The following NTSR1 variants were observed in gnomAD, a reference collection of about 807,000 sequenced individuals.
NTSR1 encodes the protein neurotensin receptor type 1.
In NTSR1, 29 loss-of-function variants were observed where a neutral mutation model predicts 31.2. That is an observed-to-expected ratio of 0.93 (90% CI 0.69 to 1.27). The LOEUF (loss-of-function observed/expected upper bound fraction) is 1.27. NTSR1 is among the 50% of genes most tolerant of loss of function. The pLI is 0.00. For missense variants in NTSR1, 697 were observed against 595.4 expected (o/e 1.17, Z -1.78); for synonymous variants, 282 against 269.9 (o/e 1.04, Z -0.44).
chr20:62,731,782 C>A (rs1443090332), intron 1 of NTSR1, among the ~76,000 whole-genome samples: 3 of 152,204 alleles, frequency 2.0e-5, no homozygotes, highest in Admixed American at 2.0e-4. Flanking sequence ...TCTGGGCTCT[C>A]TTTTCTGTTC....
rs545711347 is a variant in NTSR1, at chr20:62,733,732, A to G, written c.715-20953A>G. On this transcript the variant is annotated intron_variant, in intron 1 of 3. Transcript: ENST00000370501. This position sits in a 1 kb window ranked among gnomAD's most constrained non-coding sequence, Gnocchi z 5.2. Reference sequence around the variant, plus strand: ...GGGAGAAACACAAAGAGAGGGAGAGAAGGAGAGAGAGACACAGAGAGAAAG... The same window carrying G: ...GGGAGAAACACAAAGAGAGGGAGAGGAGGAGAGAGAGACACAGAGAGAAAG... Among the ~76,000 whole-genome samples the G allele has an allele frequency of 5.9e-4, 90 of 151,404 alleles. 1 individual carries two copies. The highest frequency in any genetic ancestry group is 1.1e-3 in the Non-Finnish European group (77 of 67,844).
chr20:62,710,554 C>G (rs887391589), intron 1 of NTSR1, among the ~76,000 whole-genome samples: 1 of 152,006 alleles, frequency 6.6e-6, no homozygotes, highest in African/African-American at 2.4e-5. Context: ...ATGGTGGGGA[C>G]GATGTTTCTG....
intron 1 of NTSR1, among the ~76,000 whole-genome samples, chr20:62,748,495 A>G (rs546869594): frequency 7.1e-4 from 108 of 152,334 alleles, no homozygotes; most frequent in Non-Finnish European, 1.2e-3. Context: ...AAGAGGAACA[A>G]AACTGGAGGC....
intron 1 of NTSR1, among the ~76,000 whole-genome samples, chr20:62,719,740 A>G (rs1250907790): frequency 6.6e-6 from 1 of 152,222 alleles, no homozygotes; most frequent in Non-Finnish European, 1.5e-5. Flanking sequence ...TTCGTCGTGT[A>G]TTAGCTGGTT....
chr20:62,742,763 AC>A lies in NTSR1; in HGVS notation c.715-11918del, dbSNP rs560795866. ...AGCGCTGGGCTGTGTCACCTTAAAG[AC>A]CCCTTTGCTCTCTTGGCCCTGGCAC... On this transcript the variant is annotated intron_variant, in intron 1 of 3. Coordinates refer to ENST00000370501, the MANE Select transcript of NTSR1 (RefSeq NM_002531.3). This position sits in a 1 kb window ranked among gnomAD's most constrained non-coding sequence, Gnocchi z 7.1. Among the ~76,000 whole-genome samples the A allele has an allele frequency of 3.0e-4, 44 of 148,396 alleles. 2 individuals are homozygous for A. Among genetic ancestry groups the A allele is most frequent in the African/African-American group, 1.1e-3 (43 of 39,522 alleles).
rs376278964 is a variant in NTSR1, at chr20:62,734,490, C to T, written c.715-20195C>T. Among the ~76,000 whole-genome samples, 9 of 152,362 alleles carry T rather than the reference C, an allele frequency of 5.9e-5. No homozygotes were observed. In the East Asian group the frequency reaches 9.7e-4, roughly 16 times the overall value. On this transcript the variant is annotated intron_variant, in intron 1 of 3. Coordinates refer to ENST00000370501, the MANE Select transcript of NTSR1 (RefSeq NM_002531.3). ...CATTCTTGACCTTGTGCAATGCCCA[C>T]GCCCTGTGTCCGGGGCTGACCTGGA...
intron 1 of NTSR1, among the ~76,000 whole-genome samples, chr20:62,728,835 A>G (rs1988955429): frequency 6.6e-6 from 1 of 152,200 alleles, no homozygotes; most frequent in Admixed American, 6.5e-5. Context: ...ACCTGCACCC[A>G]GAACCGGCCC....
chr20:62,713,054 G>T (rs1346409542), intron 1 of NTSR1, among the ~76,000 whole-genome samples: 1 of 152,150 alleles, frequency 6.6e-6, no homozygotes, highest in African/African-American at 2.4e-5. Flanking sequence ...CTTTGAAACA[G>T]TTTTAGAGAC....
chr20:62,720,286 C>T (rs183882071), intron 1 of NTSR1, among the ~76,000 whole-genome samples: 8 of 152,190 alleles, frequency 5.3e-5, no homozygotes, highest in South Asian at 2.1e-4. Flanking sequence ...GGTGACAGAG[C>T]GAGACTCCAT....
At position 62,734,051 on chromosome 20, in the gene NTSR1, A is replaced by T. The variant is rs575372952; in HGVS notation, c.715-20634A>T. On this transcript the variant is annotated intron_variant, in intron 1 of 3. Coordinates refer to ENST00000370501, the MANE Select transcript of NTSR1 (RefSeq NM_002531.3). ...TGAGGCTGGGGGAAGCCACTTGCTC[A>T]GATGCACACGGCTGGGGCCGGCGGC... is the stretch of plus-strand genomic sequence containing the variant. Among the ~76,000 whole-genome samples the T allele has an allele frequency of 1.7e-3, 256 of 152,300 alleles. 1 individual carries two copies. The highest frequency in any genetic ancestry group is 5.3e-3 in the African/African-American group (219 of 41,564).
At chr20:62,716,234 C>T (rs1427189367) in intron 1 of NTSR1, among the ~76,000 whole-genome samples, 1 of 152,142 alleles carries the variant, frequency 6.6e-6, no homozygotes, top group Non-Finnish European at 1.5e-5. Context: ...TGCTTTCTGG[C>T]TCGGTGAGGT....
At chr20:62,717,044 C>T (rs557278703) in intron 1 of NTSR1, among the ~76,000 whole-genome samples, 57 of 152,350 alleles carry the variant, frequency 3.7e-4, no homozygotes, top group African/African-American at 9.6e-4. Context: ...GGGGGACCAC[C>T]GGGCTCTGCA....
rs985793544 is a variant in NTSR1 at position 62,708,909 on chromosome 20, G to T, written c.-299G>T. On this transcript the variant is annotated 5_prime_UTR_variant, in exon 1 of 4. Transcript: ENST00000370501. This position sits in a 1 kb window ranked among gnomAD's most constrained non-coding sequence, Gnocchi z 5.9. ...GGCCTGGGGAACCGCGCGGTTTGGA[G>T]ATCGGAGGCACCTGGAACCCGTGGC... 2 of 347,940 alleles carry T rather than the reference G, an allele frequency of 5.7e-6. No individual in the cohort carries two copies. The highest frequency in any genetic ancestry group is 5.1e-6 in the Non-Finnish European group (1 of 194,524). The allele number at this position is 347,940 out of a possible 1,614,324, so 21.6% of individuals were successfully genotyped here.
intron 1 of NTSR1, among the ~76,000 whole-genome samples, chr20:62,728,166 C>T (rs1046162525): frequency 1.3e-5 from 2 of 152,182 alleles, no homozygotes; most frequent in Non-Finnish European, 2.9e-5. Context: ...GGGGCTGAGT[C>T]GGCTTTGAAG....
intron 3 of NTSR1, 68 bp from the exon 4 acceptor site, chr20:62,759,950 G>A (rs376018968): frequency 6.5e-5 from 100 of 1,545,698 alleles, no homozygotes; most frequent in Admixed American, 5.7e-4. Context: ...CTGTGGCCCC[G>A]GCTGTCACCC....
At chr20:62,753,998 C>T (rs781620478) in intron 1 of NTSR1, among the ~76,000 whole-genome samples, 6 of 152,202 alleles carry the variant, frequency 3.9e-5, no homozygotes, top group African/African-American at 7.2e-5. Context: ...GCCCCCCTTG[C>T]GCTGGAGTCT....
In NTSR1 at chr20:62,760,596, A is replaced by G. The variant is rs1989604060; in HGVS notation, c.*329A>G. ...AGGCAGTTTTCTTTGTTCTCAGACT[A>G]ATGGATGGTTCCAGAGAAGGAAATG... On this transcript the variant is annotated 3_prime_UTR_variant, in exon 4 of 4. Coordinates refer to ENST00000370501, the MANE Select transcript of NTSR1 (RefSeq NM_002531.3). 2 of 268,666 alleles carry G rather than the reference A, an allele frequency of 7.4e-6. No individual in the cohort carries two copies. The highest frequency in any genetic ancestry group is 4.8e-5 in the Admixed American group (1 of 20,876). The allele number at this position is 268,666 out of a possible 1,614,324, so 16.6% of individuals were successfully genotyped here.
chr20:62,738,516 T>C (rs774042432), intron 1 of NTSR1, among the ~76,000 whole-genome samples: 18 of 152,228 alleles, frequency 1.2e-4, no homozygotes, highest in African/African-American at 1.9e-4. Flanking sequence ...CGAAGTATCA[T>C]GAAAATCTCC....
At chr20:62,727,458 A>G (rs3843759) in intron 1 of NTSR1, among the ~76,000 whole-genome samples, 63,492 of 152,150 alleles carry the variant, frequency 0.42, 15,451 homozygotes, top group East Asian at 0.72. Flanking sequence ...CCCCAGAGAT[A>G]GCGCCAGCTG....
Sources: gnomAD v4.1 joint callset for allele counts (sites outside exome capture counted in the v4.1 genomes callset) on GRCh38, gnomAD v4.1.1 for gene constraint, Gnocchi (gnomAD v3.1) non-coding constraint, MANE v1.5 for transcripts, NCBI Gene and HGNC (gene_info 2026-07-23, HGNC 2026-07-21) for gene names.